MXI1: variants seen among roughly 807,000 people sequenced by gnomAD.
MXI1 encodes max-interacting protein 1.
A neutral mutation model predicts 36.9 loss-of-function variants in MXI1; 18 were observed. The observed-to-expected ratio is 0.49, with a 90% CI of 0.34 to 0.72. MXI1 has a LOEUF of 0.72. Among genes scored for constraint, MXI1 ranks in the 30% least tolerant of loss-of-function variants. MXI1 has a pLI of 0.01. For missense variants in MXI1, 304 were observed against 379.1 expected (o/e 0.80, Z 1.64); for synonymous variants, 160 against 146.7 (o/e 1.09, Z -0.65).
chr10:110,257,077 A>T (rs1856327102), intron 3 of MXI1: 2 of 152,204 alleles, frequency 1.3e-5, no homozygotes, highest in Admixed American at 1.3e-4. Context: ...ACAAACATAA[A>T]GGGAAAGAGG....
intron 1 of MXI1, among the ~76,000 whole-genome samples, chr10:110,220,578 G>A (rs1356666668): frequency 6.6e-6 from 1 of 152,198 alleles, no homozygotes; most frequent in Admixed American, 6.5e-5. Flanking sequence ...ATGCCAAGGG[G>A]TGGGGGCAGG....
At chr10:110,245,337 C>G (rs1451700022) in intron 3 of MXI1, among the ~76,000 whole-genome samples, 1 of 151,998 alleles carries the variant, frequency 6.6e-6, no homozygotes, top group African/African-American at 2.4e-5. Context: ...ATAGGAAATA[C>G]AAGAATATAT....
At chr10:110,283,646 G>T (rs1157829192) in intron 5 of MXI1, among the ~76,000 whole-genome samples, 1 of 151,810 alleles carries the variant, frequency 6.6e-6, no homozygotes, top group Non-Finnish European at 1.5e-5. Context: ...TTTAAGTAAG[G>T]TAACTGAAAA....
intron 2 of MXI1, among the ~76,000 whole-genome samples, chr10:110,230,465 CT>C (rs1413845402): frequency 6.6e-5 from 10 of 151,910 alleles, no homozygotes; most frequent in South Asian, 2.1e-4. Context: ...GGAGAAGATA[CT>C]TTTTTTATGG....
At chr10:110,222,643 G>T (rs1410885157) in intron 1 of MXI1, among the ~76,000 whole-genome samples, 3 of 152,204 alleles carry the variant, frequency 2.0e-5, no homozygotes, top group Non-Finnish European at 4.4e-5. Context: ...ACTTTAGGGA[G>T]AGGACAGAAC....
At chr10:110,210,291 G>A (rs559084901) in intron 1 of MXI1, 7 of 985,012 alleles carry the variant, frequency 7.1e-6, no homozygotes, top group Middle Eastern at 5.2e-4. Flanking sequence ...TGGAACCTTA[G>A]CACCCAAGTC....
chr10:110,239,750 G>C (rs374949007), intron 2 of MXI1, among the ~76,000 whole-genome samples: 2 of 152,102 alleles, frequency 1.3e-5, no homozygotes, highest in East Asian at 3.9e-4. Context: ...AAAGAATTCA[G>C]TTTGTATGCT....
intron 1 of MXI1, among the ~76,000 whole-genome samples, chr10:110,225,151 T>C (rs1854921829): frequency 6.6e-6 from 1 of 152,228 alleles, no homozygotes; most frequent in East Asian, 1.9e-4. Flanking sequence ...TCTCTCTTAC[T>C]ATGCAAACTA....
chr10:110,223,094 G>GA, intron 1 of MXI1, among the ~76,000 whole-genome samples: 1 of 152,286 alleles, frequency 6.6e-6, no homozygotes, highest in East Asian at 1.9e-4. Context: ...TCTTGGCCAT[G>GA]GCTCTAGAAG....
chr10:110,228,430 C>A lies in MXI1; in HGVS notation c.407+109C>A. The A allele has an allele frequency of 2.2e-6, 3 of 1,343,326 alleles. No homozygotes were observed. In the South Asian group the frequency reaches 3.8e-5, roughly 17 times the overall value. The allele number at this position is 1,343,326 out of a possible 1,614,324, so 83.2% of individuals were successfully genotyped here. A position where few individuals can be genotyped will look rare whatever the true frequency, so the allele number is the denominator to read the frequency against. The stretch of plus-strand genomic sequence containing the variant: ...CTTGATGGGTTCCTTTACCACTACC[C>A]TGGGGATTTGGCCCTTTTAAAATAA... On this transcript the variant is annotated intron_variant, in intron 2 of 5. Coordinates refer to ENST00000332674, the MANE Select transcript of MXI1 (RefSeq NM_130439.3).
At chr10:110,246,085 G>A (rs1855854308) in intron 3 of MXI1, among the ~76,000 whole-genome samples, 1 of 152,104 alleles carries the variant, frequency 6.6e-6, no homozygotes, top group Admixed American at 6.6e-5. Context: ...ACTTTGGAAA[G>A]CCCAGGTGGG....
At chr10:110,283,261 CCA>C (rs1312360475) in intron 5 of MXI1, among the ~76,000 whole-genome samples, 1 of 138,624 alleles carries the variant, frequency 7.2e-6, no homozygotes, top group Non-Finnish European at 1.6e-5. Flanking sequence ...TCACAAGAAT[CCA>C]CTTTTTTTTT....
chr10:110,286,828 T>TGTGA lies in MXI1; in HGVS notation c.*1846_*1849dup, dbSNP rs1309046296. 3.9e-5 allele frequency: 6 copies of TGTGA among 152,230 alleles called. No homozygotes were observed. Among genetic ancestry groups the TGTGA allele is most frequent in the African/African-American group, 1.2e-4 (5 of 41,462 alleles). 9.4% of individuals were successfully genotyped at this position (152,230 alleles called of 1,614,324 possible). ...AGTGGAAGAAATTCTTTGAAGTAGA[T>TGTGA]GTGAGTGAAAAACTGCATGCCTTTA... On this transcript the variant is annotated 3_prime_UTR_variant, in exon 6 of 6. Coordinates refer to ENST00000332674, the MANE Select transcript of MXI1 (RefSeq NM_130439.3).
intron 2 of MXI1, among the ~76,000 whole-genome samples, chr10:110,236,104 G>GTGAA (rs1855458722): frequency 7.7e-6 from 1 of 130,156 alleles, no homozygotes; most frequent in Non-Finnish European, 1.6e-5. Context: ...TGTAGAGGGT[G>GTGAA]TGAAGTAAAG....
chr10:110,235,690 A>AAAAAAAATAAAT (rs1451267986), intron 2 of MXI1, among the ~76,000 whole-genome samples: 1 of 149,084 alleles, frequency 6.7e-6, no homozygotes, highest in Non-Finnish European at 1.5e-5. Context: ...TCTGTCTCAA[A>AAAAAAAATAAAT]AAATAAATAA....
intron 2 of MXI1, among the ~76,000 whole-genome samples, chr10:110,244,142 T>TA (rs1193499402): frequency 1.3e-5 from 2 of 152,112 alleles, no homozygotes; most frequent in African/African-American, 4.8e-5. Context: ...CAATAGAAGG[T>TA]ATCATTTAAA....
intron 2 of MXI1, among the ~76,000 whole-genome samples, chr10:110,231,944 T>C (rs1320669014): frequency 6.6e-6 from 1 of 152,088 alleles, no homozygotes; most frequent in East Asian, 1.9e-4. Flanking sequence ...ACGACTGCAG[T>C]AACTTCCTAC....
intron 2 of MXI1, among the ~76,000 whole-genome samples, chr10:110,243,549 C>A (rs1855750168): frequency 6.6e-6 from 1 of 152,044 alleles, no homozygotes; most frequent in Non-Finnish European, 1.5e-5. Context: ...CATAAATATT[C>A]TTTAAGCATT....
intron 3 of MXI1, among the ~76,000 whole-genome samples, chr10:110,259,884 A>T (rs377345608): frequency 9.3e-4 from 142 of 152,218 alleles, no homozygotes; most frequent in African/African-American, 3.3e-3. Context: ...ATTACTAGCT[A>T]ACCAGTTCTT....
Sources: gnomAD v4.1 joint callset for allele counts (sites outside exome capture counted in the v4.1 genomes callset) on GRCh38, gnomAD v4.1.1 for gene constraint, MANE v1.5 for transcripts, NCBI Gene and HGNC (gene_info 2026-07-23, HGNC 2026-07-21) for gene names.